The following PSG5 variants were observed in gnomAD, a reference collection of about 807,000 sequenced individuals.
PSG5 encodes the protein pregnancy-specific beta-1-glycoprotein 5.
Under a neutral mutation model 37.7 loss-of-function variants are expected in PSG5, and 53 were observed. The ratio of observed to expected loss-of-function variants is 1.41; its 90% CI spans 1.13 to 1.77. The LOEUF (loss-of-function observed/expected upper bound fraction) is 1.77, where lower values mean the gene tolerates loss of function less well. Ranked by LOEUF, PSG5 falls within the 40% of genes most tolerant of loss-of-function variation. The pLI, the probability that PSG5 is intolerant of heterozygous loss-of-function variation, is 0.00. For synonymous variants in PSG5, 221 were observed against 155.4 expected (o/e 1.42, Z -3.14); for missense variants, 547 against 405.2 (o/e 1.35, Z -3.00).
intron 2 of PSG5, among the ~76,000 whole-genome samples, chr19:43,181,211 A>G (rs554075605): frequency 1.2e-4 from 18 of 151,776 alleles, no homozygotes; most frequent in Admixed American, 6.6e-4. Context: ...AAAACCACCA[A>G]TATTCACATT....
At position 43,186,488 on chromosome 19, in the gene PSG5, T is replaced by A. The variant is rs981350592; in HGVS notation, c.-83A>T. The A allele has an allele frequency of 3.8e-6, 6 of 1,582,126 alleles. No individual in the cohort carries two copies. The African/African-American group carries it at 8.2e-5, about 22-fold the overall frequency. ...CTGAGCACGGCTGTAGGCTGTGCTG[T>A]CCTTCCTCCTTCTGTGCTGAGCCTC... On this transcript the variant is annotated 5_prime_UTR_variant, in exon 1 of 6. Coordinates refer to ENST00000342951, the MANE Select transcript of PSG5 (RefSeq NM_002781.4).
At position 43,174,621 on chromosome 19, in the gene PSG5, C is replaced by G. The variant is rs576765202; in HGVS notation, c.964+594G>C. Reference sequence around the variant, plus strand: ...TGGCCCGGGGGAGGCTTGGCTTCAACTGGCAGCTCGATTTAGCCAAATTCA... The same window carrying G: ...TGGCCCGGGGGAGGCTTGGCTTCAAGTGGCAGCTCGATTTAGCCAAATTCA... On this transcript the variant is annotated intron_variant, in intron 4 of 5. Coordinates refer to ENST00000342951, the MANE Select transcript of PSG5 (RefSeq NM_002781.4). The G allele has an allele frequency of 8.6e-4, 842 of 976,192 alleles. 24 individuals carry two copies. The African/African-American group carries it at 0.014, about 16-fold the overall frequency. The allele number at this position is 976,192 out of a possible 1,614,324, so 60.5% of individuals were successfully genotyped here.
chr19:43,179,208 C>G (rs929760313), intron 2 of PSG5: 1 of 1,520,254 alleles, frequency 6.6e-7, no homozygotes, highest in Non-Finnish European at 9.0e-7. Flanking sequence ...TTTGATTCCT[C>G]CAAAGGCACT....
chr19:43,171,012 A>G (rs1363546925), intron 4 of PSG5: 1 of 149,614 alleles, frequency 6.7e-6, no homozygotes, highest in African/African-American at 2.5e-5. Flanking sequence ...AAAGGTAGGT[A>G]CTGTTGAGGG....
intron 4 of PSG5, among the ~76,000 whole-genome samples, chr19:43,171,983 C>CAAAAAAAAAAAAAAAAAAAAAA (rs60198220): frequency 1.9e-5 from 2 of 105,132 alleles, no homozygotes; most frequent in African/African-American, 7.2e-5. Flanking sequence ...TCCCTCTCTT[C>CAAAAAAAAAAAAAAAAAAAAAA]AAAAAAAAAA....
intron 5 of PSG5, among the ~76,000 whole-genome samples, chr19:43,169,743 G>A (rs2355431): frequency 1.2e-4 from 18 of 151,790 alleles, no homozygotes; most frequent in East Asian, 3.9e-4. Context: ...CTTTATGGGA[G>A]TGTAGAGAAT....
In PSG5 at chr19:43,174,849, G is replaced by A. The variant is rs529432097; in HGVS notation, c.964+366C>T. 17 of 1,165,474 alleles carry A rather than the reference G, an allele frequency of 1.5e-5. No individual in the cohort carries two copies. In the African/African-American group the frequency reaches 2.5e-4, roughly 17 times the overall value. The allele number at this position is 1,165,474 out of a possible 1,614,324, so 72.2% of individuals were successfully genotyped here. A position where few individuals can be genotyped will look rare whatever the true frequency, so the allele number is the denominator to read the frequency against. On this transcript the variant is annotated intron_variant, in intron 4 of 5. Coordinates refer to ENST00000342951, the MANE Select transcript of PSG5 (RefSeq NM_002781.4). ...CCTCAGATGTTCCTTGTAGCTCATGGAATAGGTACAAGGAAACAAAGACAT... is the reference window on the plus strand; with the variant it reads ...CCTCAGATGTTCCTTGTAGCTCATGAAATAGGTACAAGGAAACAAAGACAT...
At chr19:43,168,318 G>A (rs562845217) in intron 5 of PSG5, 115 bp from the exon 6 acceptor site, 33 of 317,238 alleles carry the variant, frequency 1.0e-4, no homozygotes, top group African/African-American at 4.3e-4. Context: ...TGACACTATG[G>A]TAACATATTT....
Position 43,168,223 on chromosome 19 carries a change from A to C in PSG5, c.*41-20T>G, listed in dbSNP as rs1217877432. 1 of 396,632 alleles carries C rather than the reference A, an allele frequency of 2.5e-6. No individual in the cohort carries two copies. Among genetic ancestry groups the C allele is most frequent in the African/African-American group, 2.1e-5 (1 of 47,926 alleles). The allele number at this position is 396,632 out of a possible 1,614,324, so 24.6% of individuals were successfully genotyped here. ...AACTGTCTGGGAAAGACAAAGATTT[A>C]AACTGACTATGGTTAAAAATCTAAT... On this transcript the variant is annotated intron_variant, in intron 5 of 5. Transcript: ENST00000342951.
chr19:43,176,264 C>G, intron 2 of PSG5, 116 bp from the exon 3 acceptor site: 1 of 1,499,782 alleles, frequency 6.7e-7, no homozygotes, highest in Non-Finnish European at 9.0e-7. Flanking sequence ...CCTTGAAAGC[C>G]AGTAGCTGAT....
At position 43,185,210 on chromosome 19, in the gene PSG5, C is replaced by T. The variant is rs970059642; in HGVS notation, c.65-63G>A. The T allele has an allele frequency of 1.1e-4, 163 of 1,508,282 alleles. 2 individuals are homozygous for T. The highest frequency in any genetic ancestry group is 1.4e-4 in the Non-Finnish European group (160 of 1,118,878). The allele number at this position is 1,508,282 out of a possible 1,614,324, so 93.4% of individuals were successfully genotyped here. ...TGTGTATTGGGGTGAAAAGATGGAG[C>T]CCTGGGTCCTGAGAAGGTCTCTTCA... On this transcript the variant is annotated intron_variant, in intron 1 of 5. Transcript: ENST00000342951.
Position 43,185,135 on chromosome 19 carries a change from T to A in PSG5, c.77A>T (p.Asn26Ile). The A allele has an allele frequency of 6.2e-7, 1 of 1,604,966 alleles. No homozygotes were observed. ...AGCAGTGATAGGCAGGTTCCAGAAG[T>A]TTAAAAGTGATGCTAGGAGGTGGAG... ...KGLLLTASLL[N>I]FWNLPITAQV... Residue 26 changes from asparagine (N) to isoleucine (I), a missense_variant, in exon 2 of 6, where the codon AAC becomes ATC. Physicochemically the swap from Asn to Ile is moderately radical, Grantham distance 149. Coordinates refer to ENST00000342951, the MANE Select transcript of PSG5 (RefSeq NM_002781.4).
intron 2 of PSG5, among the ~76,000 whole-genome samples, chr19:43,182,640 G>A (rs1344781365): frequency 5.5e-5 from 8 of 146,184 alleles, no homozygotes; most frequent in African/African-American, 7.7e-5. Flanking sequence ...ATAAACCTCT[G>A]TCCTCCTGTT....
chr19:43,171,983 C>CAAAAAAAAAAAAAAAAAAAAAAAAAAA (rs60198220), intron 4 of PSG5, among the ~76,000 whole-genome samples: 3 of 105,136 alleles, frequency 2.9e-5, no homozygotes, highest in African/African-American at 1.1e-4. Context: ...TCCCTCTCTT[C>CAAAAAAAAAAAAAAAAAAAAAAAAAAA]AAAAAAAAAA....
intron 4 of PSG5, chr19:43,174,410 C>G (rs1028309092): frequency 1.2e-6 from 1 of 840,632 alleles, no homozygotes; most frequent in African/African-American, 1.9e-5. Flanking sequence ...TTGGCACTGC[C>G]CCTTTCCTGC....
chr19:43,182,244 G>A (rs562478684), intron 2 of PSG5, among the ~76,000 whole-genome samples: 3 of 151,690 alleles, frequency 2.0e-5, no homozygotes, highest in African/African-American at 7.3e-5. Flanking sequence ...TTATAGGAGG[G>A]AACTGAATTC....
Position 43,167,993 on chromosome 19 carries a change from T to A in PSG5, c.*251A>T. 1 of 409,602 alleles carries A rather than the reference T, an allele frequency of 2.4e-6. No individual in the cohort carries two copies. The highest frequency in any genetic ancestry group is 4.5e-6 in the Non-Finnish European group (1 of 222,692). 25.4% of individuals were successfully genotyped at this position (409,602 alleles called of 1,614,324 possible). A position where few individuals can be genotyped will look rare whatever the true frequency, so the allele number is the denominator to read the frequency against. ...GATTATTTAGTCCAATAACATGGAG[T>A]TTTTTTCTTCTTTGTCTAGAATTTC... On this transcript the variant is annotated 3_prime_UTR_variant, in exon 6 of 6. Transcript: ENST00000342951.
At chr19:43,182,483 A>G (rs1379004964) in intron 2 of PSG5, among the ~76,000 whole-genome samples, 1 of 151,556 alleles carries the variant, frequency 6.6e-6, no homozygotes, top group African/African-American at 2.4e-5. Flanking sequence ...CTGGAGGCAG[A>G]TTCGAGCACA....
rs77848485 is a variant in PSG5 at position 43,185,440 on chromosome 19, C to G, written c.65-293G>C. Among the ~76,000 whole-genome samples the G allele has an allele frequency of 3.7e-3, 476 of 127,404 alleles. 15 individuals are homozygous for G. The East Asian group carries it at 0.078, about 21-fold the overall frequency. 83.6% of individuals were successfully genotyped at this position (127,404 alleles called of 152,430 possible). ...GGGGTCCACACGGCACCCCCCCCCC[C>G]CCACACTGCCCTCAGGTCCTGCTCA... is the stretch of plus-strand genomic sequence containing the variant. On this transcript the variant is annotated intron_variant, in intron 1 of 5. Transcript: ENST00000342951.
Sources: allele counts gnomAD v4.1 joint callset (sites outside exome capture counted in the v4.1 genomes callset), GRCh38; gene constraint gnomAD v4.1.1; transcripts MANE v1.5; gene names NCBI Gene and HGNC (gene_info 2026-07-23, HGNC 2026-07-21).